ATP10B: variants seen among roughly 807,000 people sequenced by gnomAD.
ATP10B encodes the protein phospholipid-transporting ATPase VB.
Under a neutral mutation model 141.2 loss-of-function variants are expected in ATP10B, and 122 were observed. The observed-to-expected ratio is 0.86, with a 90% CI of 0.75 to 1.00. The LOEUF is 1.00. Among genes scored for constraint, ATP10B ranks in the 50% least tolerant of loss-of-function variants. ATP10B has a pLI of 0.00. For synonymous variants in ATP10B, 685 were observed against 692.0 expected, an observed-to-expected ratio of 0.99 and a Z score of 0.16; for missense variants, 1,876 against 1,825.3, an observed-to-expected ratio of 1.03 and a Z score of -0.51.
At chr5:160,857,681 T>C in the ATP10B span, among the ~76,000 whole-genome samples, 3 of 151,916 alleles carry the variant, frequency 2.0e-5, no homozygotes, top group African/African-American at 7.2e-5. Context: ...GCTTTAGCTG[T>C]GTCCCATTAA....
chr5:160,709,933 C>T (rs1765280989), intron 3 of ATP10B, among the ~76,000 whole-genome samples: 1 of 103,396 alleles, frequency 9.7e-6, no homozygotes, highest in Non-Finnish European at 2.0e-5. Flanking sequence ...CTACAAAGGA[C>T]ATGAACTCAT....
the ATP10B span, among the ~76,000 whole-genome samples, chr5:160,868,712 A>T: frequency 6.6e-6 from 1 of 152,126 alleles, no homozygotes. Context: ...AGACTTGCAG[A>T]CTGGTGAAGA....
intron 24 of ATP10B, among the ~76,000 whole-genome samples, chr5:160,576,970 C>G (rs1755231468): frequency 6.6e-6 from 1 of 152,222 alleles, no homozygotes; most frequent in East Asian, 1.9e-4. Flanking sequence ...CTTCTGAACA[C>G]ATTTCCCTCC....
chr5:160,755,664 A>C (rs1768476645), intron 2 of ATP10B, among the ~76,000 whole-genome samples: 1 of 148,334 alleles, frequency 6.7e-6, no homozygotes, highest in Non-Finnish European at 1.5e-5. Flanking sequence ...AAATACAAAA[A>C]ATTAGCCGGG....
intron 1 of ATP10B, among the ~76,000 whole-genome samples, chr5:160,835,802 G>T (rs11135127): frequency 6.6e-6 from 1 of 151,930 alleles, no homozygotes; most frequent in East Asian, 1.9e-4. Context: ...AAAAACAGCA[G>T]GTCCTTCATG....
chr5:160,708,494 C>G (rs961441828), intron 3 of ATP10B, among the ~76,000 whole-genome samples: 4 of 152,144 alleles, frequency 2.6e-5, no homozygotes, highest in African/African-American at 9.7e-5. Flanking sequence ...ATCACAAATG[C>G]TTCTTAATTG....
At chr5:160,593,912 T>C (rs1022706287) in intron 22 of ATP10B, among the ~76,000 whole-genome samples, 10 of 152,194 alleles carry the variant, frequency 6.6e-5, no homozygotes, top group Admixed American at 2.0e-4. Context: ...GTCTGATTGG[T>C]GTACCTGAAA....
the ATP10B span, among the ~76,000 whole-genome samples, chr5:160,896,600 A>G: frequency 7.9e-5 from 12 of 152,346 alleles, no homozygotes; most frequent in East Asian, 2.3e-3. Flanking sequence ...TTCACAGCTG[A>G]ATTTTACCAG....
intron 15 of ATP10B, among the ~76,000 whole-genome samples, chr5:160,619,333 A>T (rs1421964): frequency 0.83 from 126,835 of 152,122 alleles, 53,194 homozygotes; most frequent in African/African-American, 0.92. Flanking sequence ...TGTGTGTGTG[A>T]CTTCTATTGA....
intron 3 of ATP10B, among the ~76,000 whole-genome samples, chr5:160,698,419 T>G (rs1045642794): frequency 2.0e-5 from 3 of 152,228 alleles, no homozygotes; most frequent in African/African-American, 7.2e-5. Flanking sequence ...ATATTATAAT[T>G]TTATTCAAAG....
intron 7 of ATP10B, among the ~76,000 whole-genome samples, 178 bp downstream of exon 7, chr5:160,670,285 T>C (rs565607938): frequency 1.0e-3 from 158 of 152,320 alleles, no homozygotes; most frequent in Admixed American, 2.6e-3. Context: ...ATCTGTGATA[T>C]GCAGATAATA....
chr5:160,569,426 G>A, intron 25 of ATP10B, 70 bp downstream of exon 25: 3 of 1,505,838 alleles, frequency 2.0e-6, no homozygotes, highest in Non-Finnish European at 2.7e-6. Context: ...CTGACTCTTG[G>A]GTTATAAAAA....
intron 24 of ATP10B, among the ~76,000 whole-genome samples, chr5:160,586,375 T>C (rs570369183): frequency 3.0e-4 from 46 of 152,326 alleles, no homozygotes; most frequent in African/African-American, 1.1e-3. Context: ...TTATCCAATC[T>C]GTCATTGGGT....
At chr5:160,814,263 G>T (rs556760175) in intron 1 of ATP10B, among the ~76,000 whole-genome samples, 64 of 152,244 alleles carry the variant, frequency 4.2e-4, no homozygotes, top group African/African-American at 1.5e-3. Context: ...TGGCTAACTA[G>T]AATAACCAAT....
chr5:160,725,820 A>G (rs1308953841), intron 2 of ATP10B, among the ~76,000 whole-genome samples: 1 of 152,212 alleles, frequency 6.6e-6, no homozygotes, highest in Admixed American at 6.5e-5. Flanking sequence ...TGGTGGGAAG[A>G]AATGGAGTGA....
In ATP10B at chr5:160,661,046, C is replaced by T. The variant is rs528370424; in HGVS notation, c.675+9417G>A. 7.2e-5 allele frequency among the ~76,000 whole-genome samples: 11 copies of T among 152,146 alleles called. No homozygotes were observed. The East Asian group carries it at 1.9e-3, about 27-fold the overall frequency. ...TACTAAAAATACAAAATTAGCTGGG[C>T]ATGGTGGCACATGCCTGTAATCCCA... is the stretch of plus-strand genomic sequence containing the variant. On this transcript the variant is annotated intron_variant, in intron 7 of 25. Transcript: ENST00000327245.
At chr5:160,590,081 G>A (rs1048359538) in intron 23 of ATP10B, among the ~76,000 whole-genome samples, 2 of 152,144 alleles carry the variant, frequency 1.3e-5, no homozygotes, top group African/African-American at 4.8e-5. Flanking sequence ...ATAGAGGCAA[G>A]TACAAGGTAC....
chr5:160,914,772 G>A, the ATP10B span, among the ~76,000 whole-genome samples: 2,139 of 152,272 alleles, frequency 0.014, 85 homozygotes, highest in East Asian at 0.14. Context: ...AAATGGAGGA[G>A]GTAGACTTTC....
intron 2 of ATP10B, among the ~76,000 whole-genome samples, chr5:160,776,426 G>A (rs1203481737): frequency 6.6e-6 from 1 of 152,198 alleles, no homozygotes; most frequent in Non-Finnish European, 1.5e-5. Context: ...TATATGCCAG[G>A]CACTGGCTAG....
Sources: gnomAD v4.1 joint callset for allele counts (sites outside exome capture counted in the v4.1 genomes callset) on GRCh38, gnomAD v4.1.1 for gene constraint, MANE v1.5 for transcripts, NCBI Gene and HGNC (gene_info 2026-07-23, HGNC 2026-07-21) for gene names.